The following MAST2 variants were observed in gnomAD, a reference collection of about 807,000 sequenced individuals.
MAST2 encodes the protein microtubule associated serine/threonine kinase 2.
MAST2 carries 70 observed loss-of-function variants against 147.4 expected under a neutral mutation model. The ratio of observed to expected loss-of-function variants is 0.47; its 90% confidence interval spans 0.39 to 0.58. The LOEUF (loss-of-function observed/expected upper bound fraction) is 0.58. Ranked by LOEUF, MAST2 falls within the 20% of genes least tolerant of loss-of-function variation. The pLI, the probability that MAST2 is intolerant of heterozygous loss-of-function variation, is 0.00. For missense variants in MAST2, 2,080 were observed against 2,302.3 expected, an observed-to-expected ratio of 0.90 and a Z score of 1.98; for synonymous variants, 869 against 896.8, an observed-to-expected ratio of 0.97 and a Z score of 0.55.
chr1:45,975,493 TCCAA>T (rs1360286467), intron 5 of MAST2, among the ~76,000 whole-genome samples: 3 of 57,568 alleles, frequency 5.2e-5, no homozygotes, highest in South Asian at 5.5e-4. Flanking sequence ...TCCCTGTCTC[TCCAA>T]AAAAAAAAAA....
At chr1:45,873,803 A>G (rs1646493334) in intron 3 of MAST2, among the ~76,000 whole-genome samples, 2 of 152,028 alleles carry the variant, frequency 1.3e-5, no homozygotes. Context: ...TTATAGAATA[A>G]AGGTTTTTGT....
At chr1:45,873,635 T>G (rs925997372) in intron 3 of MAST2, among the ~76,000 whole-genome samples, 1 of 152,154 alleles carries the variant, frequency 6.6e-6, no homozygotes, top group Non-Finnish European at 1.5e-5. Context: ...ATAATGAGGT[T>G]TAGAAAGGTT....
intron 5 of MAST2, among the ~76,000 whole-genome samples, chr1:45,964,796 T>C (rs552482643): frequency 2.0e-5 from 3 of 152,326 alleles, no homozygotes; most frequent in Admixed American, 1.3e-4. Context: ...TTCTAGTTCT[T>C]TTAATTGTGA....
intron 4 of MAST2, among the ~76,000 whole-genome samples, chr1:45,919,241 A>G (rs1189457247): frequency 6.6e-6 from 1 of 152,208 alleles, no homozygotes; most frequent in Non-Finnish European, 1.5e-5. Flanking sequence ...GATTATTTTA[A>G]AGGTAGAATT....
intron 4 of MAST2, among the ~76,000 whole-genome samples, chr1:45,943,216 G>T (rs1031952822): frequency 2.0e-5 from 3 of 152,198 alleles, no homozygotes; most frequent in African/African-American, 7.2e-5. Flanking sequence ...GCATGATGAT[G>T]GGTGGGACAA....
chr1:45,860,165 G>A (rs1252505438), intron 3 of MAST2, among the ~76,000 whole-genome samples: 11 of 151,438 alleles, frequency 7.3e-5, no homozygotes, highest in African/African-American at 2.7e-4. Context: ...TGTGACAAGC[G>A]TGGCCAACAT....
intron 5 of MAST2, among the ~76,000 whole-genome samples, chr1:45,959,930 GTGTT>G (rs766731692): frequency 3.9e-5 from 6 of 152,160 alleles, no homozygotes; most frequent in Non-Finnish European, 8.8e-5. Flanking sequence ...AGAGGAGTAT[GTGTT>G]TGTTTGTTTG....
At chr1:45,974,450 G>A (rs758122965) in intron 5 of MAST2, among the ~76,000 whole-genome samples, 4 of 152,270 alleles carry the variant, frequency 2.6e-5, no homozygotes, top group Non-Finnish European at 5.9e-5. Context: ...ACAAAAATTA[G>A]CTGGGCATGG....
intron 1 of MAST2, among the ~76,000 whole-genome samples, chr1:45,819,774 A>C (rs1644564542): frequency 6.6e-6 from 1 of 152,202 alleles, no homozygotes; most frequent in African/African-American, 2.4e-5. Context: ...TACCCAAAGC[A>C]ATCTACAGAT....
At chr1:45,891,668 T>TA (rs1024901068) in intron 4 of MAST2, among the ~76,000 whole-genome samples, 7 of 152,102 alleles carry the variant, frequency 4.6e-5, no homozygotes, top group African/African-American at 1.7e-4. Context: ...TTTTTTTTTT[T>TA]ATAATCTCCT....
At chr1:45,822,341 A>T (rs1340686773) in intron 1 of MAST2, among the ~76,000 whole-genome samples, 2 of 152,154 alleles carry the variant, frequency 1.3e-5, no homozygotes, top group East Asian at 1.9e-4. Flanking sequence ...CAAATTTCAT[A>T]TTTAATTTAT....
At chr1:45,906,686 AATTAT>A (rs891336307) in intron 4 of MAST2, among the ~76,000 whole-genome samples, 22 of 148,872 alleles carry the variant, frequency 1.5e-4, no homozygotes, top group South Asian at 2.1e-4. Context: ...AACATATAAT[AATTAT>A]ATTATATGTT....
intron 11 of MAST2, 141 bp from the exon 12 acceptor site, chr1:46,021,809 T>C (rs1399272006): frequency 1.3e-6 from 1 of 776,536 alleles, no homozygotes; most frequent in Non-Finnish European, 2.1e-6. Context: ...AATCATGTTG[T>C]TTCTGAATAT....
intron 4 of MAST2, among the ~76,000 whole-genome samples, chr1:45,933,063 T>TAAAA (rs61544126): frequency 7.1e-4 from 63 of 88,254 alleles, no homozygotes; most frequent in South Asian, 1.1e-3. Flanking sequence ...CCCATTTCTT[T>TAAAA]AAAAAAAAAA....
At chr1:45,959,040 G>C in intron 4 of MAST2, among the ~76,000 whole-genome samples, 1 of 152,124 alleles carries the variant, frequency 6.6e-6, no homozygotes, top group Non-Finnish European at 1.5e-5. Context: ...TTTTTATTTT[G>C]TAAATCAATT....
chr1:45,994,972 G>T (rs1458421510), intron 5 of MAST2, among the ~76,000 whole-genome samples: 1 of 151,764 alleles, frequency 6.6e-6, no homozygotes, highest in Non-Finnish European at 1.5e-5. Context: ...CCGAATATCT[G>T]GGACTACAGG....
intron 4 of MAST2, among the ~76,000 whole-genome samples, chr1:45,928,219 C>A (rs888739769): frequency 3.9e-5 from 6 of 152,168 alleles, no homozygotes; most frequent in Middle Eastern, 3.2e-3. Context: ...TATTTTGAAG[C>A]AAATCTCAAA....
rs762296579 is a variant in MAST2, at chr1:46,029,464, A to G, written c.2219-2A>G. ...TTTCCCTCTCACCCCTGATGACTTC[A>G]GATGAGATTGTGTGGCCTGAGGGTG... On this transcript the variant is annotated splice_acceptor_variant, in intron 18 of 28. Coordinates refer to ENST00000361297, the MANE Select transcript of MAST2 (RefSeq NM_015112.3). LOFTEE classifies it high-confidence loss of function. 6.2e-7 allele frequency: 1 copy of G among 1,612,934 alleles called. No individual in the cohort carries two copies. Among genetic ancestry groups the G allele is most frequent in the South Asian group, 1.1e-5 (1 of 91,036 alleles).
At chr1:45,928,843 T>C (rs374888795) in intron 4 of MAST2, among the ~76,000 whole-genome samples, 1,743 of 152,188 alleles carry the variant, frequency 0.011, 19 homozygotes, top group Non-Finnish European at 0.02. Flanking sequence ...TTTTTTTTTT[T>C]CCTTGCAATT....
Sources: gnomAD v4.1 joint callset for allele counts (sites outside exome capture counted in the v4.1 genomes callset) on GRCh38, gnomAD v4.1.1 for gene constraint, MANE v1.5 for transcripts, NCBI Gene and HGNC (gene_info 2026-07-23, HGNC 2026-07-21) for gene names.